Variants in NCK2 observed in about 807,000 individuals in gnomAD.
The protein encoded by NCK2 is NCK adaptor protein 2.
NCK2 carries 16 observed loss-of-function variants against 33.9 expected under a neutral mutation model. That is an observed-to-expected ratio of 0.47 (90% CI 0.32 to 0.72). The LOEUF (loss-of-function observed/expected upper bound fraction) is 0.72. NCK2 is among the 30% of genes least tolerant of loss of function. NCK2 has a pLI of 0.03. For missense variants in NCK2, 418 were observed against 537.3 expected (o/e 0.78, Z 2.19); for synonymous variants, 273 against 239.9 (o/e 1.14, Z -1.27).
chr2:105,893,143 G>C lies in NCK2; in HGVS notation c.1110G>C (p.Gly370=), dbSNP rs371017821. 507 of 1,610,026 alleles carry C rather than the reference G, an allele frequency of 3.1e-4. No homozygotes were observed. Among genetic ancestry groups the C allele is most frequent in the Non-Finnish European group, 4.1e-4 (486 of 1,178,096 alleles). ...CGCCCATCTTCACCAGCGAGCACGGGGAGAAGCTCTACCTCGTCAGGGCCC... is the reference window on the plus strand; with the variant it reads ...CGCCCATCTTCACCAGCGAGCACGGCGAGAAGCTCTACCTCGTCAGGGCCC... ...KKAPIFTSEH[G]EKLYLVRALQ is the part of the protein sequence containing the mutation. Residue 370 remains glycine, a synonymous_variant, in exon 5 of 5, where the codon GGG becomes GGC. Transcript: ENST00000233154.
chr2:105,755,485 G>C (rs1689574095), intron 1 of NCK2, among the ~76,000 whole-genome samples: 1 of 152,154 alleles, frequency 6.6e-6, no homozygotes, highest in African/African-American at 2.4e-5. Context: ...TAAGAAGTAG[G>C]TTCTCCTTTC....
rs1408533411 is a variant in NCK2, at chr2:105,810,035, G to A, written c.-200-6395G>A. Among the ~76,000 whole-genome samples, 5 of 152,192 alleles carry A rather than the reference G, an allele frequency of 3.3e-5. No homozygotes were observed. In the East Asian group the frequency reaches 9.6e-4, roughly 29 times the overall value. ...TGCTGAGGTCTCATTCAGTGGCAGG[G>A]CCAGGGCTGAGAGGGAGGGAGAAAG... On this transcript the variant is annotated intron_variant, in intron 1 of 4. Coordinates refer to ENST00000233154, the MANE Select transcript of NCK2 (RefSeq NM_003581.5).
At chr2:105,817,414 A>G (rs1382375616) in intron 2 of NCK2, among the ~76,000 whole-genome samples, 1 of 152,200 alleles carries the variant, frequency 6.6e-6, no homozygotes, top group Non-Finnish European at 1.5e-5. Context: ...AACTTAAAAT[A>G]TGAATTGCTG....
chr2:105,822,977 C>T (rs1005835933), intron 2 of NCK2, among the ~76,000 whole-genome samples: 14 of 151,948 alleles, frequency 9.2e-5, no homozygotes, highest in Non-Finnish European at 1.3e-4. Context: ...CTGGGCCGGC[C>T]GTGTGGCGGA....
intron 4 of NCK2, among the ~76,000 whole-genome samples, chr2:105,883,942 A>AC (rs1204452789): frequency 6.6e-6 from 1 of 152,206 alleles, no homozygotes; most frequent in Non-Finnish European, 1.5e-5. Context: ...GGCTCTGCAC[A>AC]CATAGCAGCA....
At chr2:105,753,870 C>T (rs1048497574) in intron 1 of NCK2, among the ~76,000 whole-genome samples, 3 of 152,200 alleles carry the variant, frequency 2.0e-5, no homozygotes, top group African/African-American at 7.2e-5. Flanking sequence ...AAATCTGCTT[C>T]TGAGGTTGTG....
At chr2:105,838,608 T>G (rs1676522495) in intron 2 of NCK2, among the ~76,000 whole-genome samples, 1 of 152,200 alleles carries the variant, frequency 6.6e-6, no homozygotes. Flanking sequence ...ACAATGAATA[T>G]ATCAAGAAGT....
chr2:105,788,682 AT>A (rs990187001), intron 1 of NCK2, among the ~76,000 whole-genome samples: 15 of 152,088 alleles, frequency 9.9e-5, no homozygotes, highest in African/African-American at 3.1e-4. Context: ...AGAGTTTTCT[AT>A]TTTTTTGTTT....
chr2:105,779,093 G>A (rs1690402767), intron 1 of NCK2, among the ~76,000 whole-genome samples: 1 of 152,070 alleles, frequency 6.6e-6, no homozygotes, highest in African/African-American at 2.4e-5. Flanking sequence ...GATCACTTGA[G>A]GTCATGAGTT....
At chr2:105,786,969 T>A (rs1053361774) in intron 1 of NCK2, among the ~76,000 whole-genome samples, 1 of 152,238 alleles carries the variant, frequency 6.6e-6, no homozygotes, top group African/African-American at 2.4e-5. Context: ...TCAGCTGGCG[T>A]GGTGCCGCAC....
intron 1 of NCK2, among the ~76,000 whole-genome samples, chr2:105,773,791 G>A (rs1004397141): frequency 6.6e-6 from 1 of 152,170 alleles, no homozygotes; most frequent in Non-Finnish European, 1.5e-5. Flanking sequence ...GCTCCCCTGA[G>A]CTTGTGTCTG....
At chr2:105,882,945 A>G (rs1366585073) in intron 4 of NCK2, among the ~76,000 whole-genome samples, 2 of 152,232 alleles carry the variant, frequency 1.3e-5, no homozygotes, top group African/African-American at 2.4e-5. Flanking sequence ...ACCTGCTGCC[A>G]CTGCTGTCCT....
At chr2:105,787,081 G>A (rs1189073956) in intron 1 of NCK2, among the ~76,000 whole-genome samples, 5 of 152,194 alleles carry the variant, frequency 3.3e-5, no homozygotes, top group Non-Finnish European at 7.3e-5. Context: ...TGCTCTGCCC[G>A]CTGCAGGCGT....
intron 1 of NCK2, among the ~76,000 whole-genome samples, chr2:105,784,814 A>C (rs542215304): frequency 7.2e-5 from 11 of 152,324 alleles, no homozygotes; most frequent in African/African-American, 2.6e-4. Context: ...ACATTCTTAG[A>C]ATATGCACAA....
chr2:105,818,045 A>G (rs1675562377), intron 2 of NCK2, among the ~76,000 whole-genome samples: 1 of 152,062 alleles, frequency 6.6e-6, no homozygotes, highest in Non-Finnish European at 1.5e-5. Flanking sequence ...TCCAACAATG[A>G]TGGACTGATT....
chr2:105,859,339 C>A (rs1433516363), intron 3 of NCK2, among the ~76,000 whole-genome samples: 1 of 152,192 alleles, frequency 6.6e-6, no homozygotes. Flanking sequence ...TGATCATATC[C>A]TCAGGAGGGT....
At chr2:105,886,958 G>A (rs1468749994) in intron 4 of NCK2, among the ~76,000 whole-genome samples, 1 of 152,124 alleles carries the variant, frequency 6.6e-6, no homozygotes, top group African/African-American at 2.4e-5. Flanking sequence ...AGTGTGGATT[G>A]GCTTCAGGCC....
chr2:105,865,694 A>G (rs1212004397), intron 3 of NCK2, among the ~76,000 whole-genome samples: 1 of 151,828 alleles, frequency 6.6e-6, no homozygotes, highest in Non-Finnish European at 1.5e-5. Context: ...ATAGGAGTAT[A>G]CTCCTTTTCC....
intron 1 of NCK2, among the ~76,000 whole-genome samples, chr2:105,785,412 T>A (rs745544406): frequency 1.3e-5 from 2 of 152,004 alleles, no homozygotes; most frequent in African/African-American, 2.4e-5. Context: ...CAGGAAAAAA[T>A]TGTTGTGTTG....
Sources: gnomAD v4.1 joint callset for allele counts (sites outside exome capture counted in the v4.1 genomes callset) on GRCh38, gnomAD v4.1.1 for gene constraint, MANE v1.5 for transcripts, NCBI Gene and HGNC (gene_info 2026-07-23, HGNC 2026-07-21) for gene names.